LHFPL3: variants seen among roughly 807,000 people sequenced by gnomAD.
LHFPL3 encodes the protein LHFPL tetraspan subfamily member 3 protein.
A neutral mutation model predicts 19.3 loss-of-function variants in LHFPL3; 5 were observed. The observed-to-expected ratio is 0.26, with a 90% CI of 0.14 to 0.54. The LOEUF (loss-of-function observed/expected upper bound fraction) is 0.54. LHFPL3 is among the 20% of genes least tolerant of loss of function. The probability of loss-of-function intolerance (pLI) is 0.94; values close to 1 mark genes in which losing one functional copy is unlikely to be tolerated. For synonymous variants in LHFPL3, 133 were observed against 126.2 expected, an observed-to-expected ratio of 1.05 and a Z score of -0.36; for missense variants, 249 against 307.4, an observed-to-expected ratio of 0.81 and a Z score of 1.42.
At chr7:104,752,811 T>G in intron 2 of LHFPL3, 1 of 392,926 alleles carries the variant, frequency 2.5e-6, no homozygotes. Context: ...AGCCTCCACG[T>G]TGGGCACCAG....
intron 1 of LHFPL3, among the ~76,000 whole-genome samples, chr7:104,523,911 C>T (rs960773388): frequency 1.1e-4 from 16 of 152,196 alleles, no homozygotes; most frequent in African/African-American, 3.4e-4. Flanking sequence ...ACTAAAGAAG[C>T]ATCTCTCAGA....
intron 1 of LHFPL3, among the ~76,000 whole-genome samples, chr7:104,585,520 C>CACACACACACACACACAT (rs1314474436): frequency 6.6e-6 from 1 of 150,866 alleles, no homozygotes; most frequent in African/African-American, 2.5e-5. Context: ...CACACACACA[C>CACACACACACACACACAT]ACGGCCTTGT....
At chr7:104,876,993 G>A (rs1027020118) in intron 2 of LHFPL3, among the ~76,000 whole-genome samples, 44 of 152,240 alleles carry the variant, frequency 2.9e-4, no homozygotes, top group African/African-American at 1.0e-3. Context: ...GGATGAAGCT[G>A]GAAACCATCA....
At chr7:104,369,902 A>G (rs1344945487) in intron 1 of LHFPL3, among the ~76,000 whole-genome samples, 1 of 152,232 alleles carries the variant, frequency 6.6e-6, no homozygotes, top group Non-Finnish European at 1.5e-5. Context: ...TATTCTAAAT[A>G]TAAGTCATTT....
rs144385321 is a variant in LHFPL3, at chr7:104,545,109, T to C, written c.446-191566T>C. 6.9e-3 allele frequency among the ~76,000 whole-genome samples: 1,058 copies of C among 152,324 alleles called. 15 individuals carry two copies. The highest frequency in any genetic ancestry group is 0.023 in the African/African-American group (968 of 41,578). On this transcript the variant is annotated intron_variant, in intron 1 of 2. Transcript: ENST00000424859. ...CTTTGAATGTTGTCCAATTACTTAT[T>C]TGGTTTGATTAGGGCCAACTGACTA...
chr7:104,742,790 A>G (rs1793959412), intron 2 of LHFPL3, among the ~76,000 whole-genome samples: 1 of 152,184 alleles, frequency 6.6e-6, no homozygotes, highest in Non-Finnish European at 1.5e-5. Context: ...CTGCCTTCAT[A>G]TCAGTGAGCA....
At chr7:104,874,144 T>A (rs1317893640) in intron 2 of LHFPL3, among the ~76,000 whole-genome samples, 1 of 152,232 alleles carries the variant, frequency 6.6e-6, no homozygotes, top group Non-Finnish European at 1.5e-5. Context: ...TCTCTAATTC[T>A]ACTTATTATT....
chr7:104,476,601 C>A (rs1361815793), intron 1 of LHFPL3, among the ~76,000 whole-genome samples: 1 of 152,100 alleles, frequency 6.6e-6, no homozygotes, highest in East Asian at 1.9e-4. Context: ...GCTGGGATTA[C>A]AGGCATGTGC....
intron 1 of LHFPL3, among the ~76,000 whole-genome samples, chr7:104,672,109 A>C (rs1792497521): frequency 6.9e-6 from 1 of 144,870 alleles, no homozygotes; most frequent in African/African-American, 2.6e-5. Context: ...TGCTTATGTA[A>C]ATTTTCTGTG....
intron 1 of LHFPL3, among the ~76,000 whole-genome samples, chr7:104,654,635 T>A (rs1341338434): frequency 6.6e-6 from 1 of 152,212 alleles, no homozygotes; most frequent in African/African-American, 2.4e-5. Flanking sequence ...GTGAGGTATC[T>A]GGCACCCAGA....
intron 1 of LHFPL3, among the ~76,000 whole-genome samples, chr7:104,494,395 C>T (rs1481182873): frequency 6.6e-6 from 1 of 152,148 alleles, no homozygotes; most frequent in Non-Finnish European, 1.5e-5. Context: ...CCTTCAGAAC[C>T]TTGTCTGCCA....
At chr7:104,433,887 C>T (rs532924787) in intron 1 of LHFPL3, among the ~76,000 whole-genome samples, 5 of 152,156 alleles carry the variant, frequency 3.3e-5, no homozygotes, top group African/African-American at 1.2e-4. Context: ...AGCACAGTGC[C>T]CGGCACACAG....
intron 1 of LHFPL3, among the ~76,000 whole-genome samples, chr7:104,470,877 G>C (rs1247900428): frequency 6.6e-6 from 1 of 151,938 alleles, no homozygotes; most frequent in African/African-American, 2.4e-5. Flanking sequence ...TAGTTTCTGG[G>C]GGCATGGGGT....
chr7:104,499,164 A>T (rs1380216673), intron 1 of LHFPL3, among the ~76,000 whole-genome samples: 2 of 152,188 alleles, frequency 1.3e-5, no homozygotes, highest in African/African-American at 4.8e-5. Context: ...CTACCTTATG[A>T]GGAAAAGAGG....
chr7:104,882,473 C>G (rs886649681), intron 2 of LHFPL3, among the ~76,000 whole-genome samples: 1 of 152,210 alleles, frequency 6.6e-6, no homozygotes, highest in Middle Eastern at 3.2e-3. Context: ...GTCTCAAACT[C>G]CTGACCTCAG....
At chr7:104,498,635 G>A (rs927196227) in intron 1 of LHFPL3, among the ~76,000 whole-genome samples, 3 of 151,466 alleles carry the variant, frequency 2.0e-5, no homozygotes, top group East Asian at 1.9e-4. Context: ...CTGCCACCAC[G>A]CCCTGCTAAC....
chr7:104,899,158 T>C (rs1361121085), intron 2 of LHFPL3, among the ~76,000 whole-genome samples: 2 of 151,870 alleles, frequency 1.3e-5, no homozygotes, highest in Non-Finnish European at 2.9e-5. Flanking sequence ...ATGTGCCAGG[T>C]TTATACTTTC....
At chr7:104,788,623 T>G (rs1459983474) in intron 2 of LHFPL3, among the ~76,000 whole-genome samples, 1 of 152,066 alleles carries the variant, frequency 6.6e-6, no homozygotes, top group Non-Finnish European at 1.5e-5. Flanking sequence ...ATGACTTTCT[T>G]GTTTTTTTAA....
chr7:104,837,719 T>C (rs569320279), intron 2 of LHFPL3, among the ~76,000 whole-genome samples: 12 of 152,110 alleles, frequency 7.9e-5, no homozygotes, highest in African/African-American at 2.4e-4. Context: ...GGTGCACCCA[T>C]CACCTGGGCA....
Sources: gnomAD v4.1 joint callset for allele counts (sites outside exome capture counted in the v4.1 genomes callset) on GRCh38, gnomAD v4.1.1 for gene constraint, MANE v1.5 for transcripts, NCBI Gene and HGNC (gene_info 2026-07-23, HGNC 2026-07-21) for gene names.